Variants in NEGR1 observed in about 807,000 individuals in gnomAD.
The protein encoded by NEGR1 is IgLON family member 4.
Under a neutral mutation model 40.9 loss-of-function variants are expected in NEGR1, and 10 were observed. The observed-to-expected ratio is 0.24, with a 90% CI of 0.15 to 0.42. NEGR1 has a LOEUF of 0.42. Ranked by LOEUF, NEGR1 falls within the 10% of genes least tolerant of loss-of-function variation. NEGR1 has a pLI of 1.00. For synonymous variants in NEGR1, 185 were observed against 166.8 expected (o/e 1.11, Z -0.84); for missense variants, 352 against 438.9 (o/e 0.80, Z 1.77).
intron 2 of NEGR1, among the ~76,000 whole-genome samples, chr1:71,930,996 T>C (rs978325347): frequency 6.6e-6 from 1 of 152,150 alleles, no homozygotes; most frequent in Non-Finnish European, 1.5e-5. Flanking sequence ...GGAGGCTCTC[T>C]GCAGCTGAGG....
intron 6 of NEGR1, among the ~76,000 whole-genome samples, chr1:71,549,716 T>G (rs1648014376): frequency 6.6e-6 from 1 of 151,516 alleles, no homozygotes; most frequent in Non-Finnish European, 1.5e-5. Context: ...ATTCCAGCAG[T>G]GATTGAAGAG....
intron 1 of NEGR1, among the ~76,000 whole-genome samples, chr1:72,072,563 C>T (rs1475934763): frequency 6.6e-6 from 1 of 152,018 alleles, no homozygotes; most frequent in African/African-American, 2.4e-5. Flanking sequence ...CAAACAAAAT[C>T]CTAGAGAAAT....
chr1:72,008,651 A>G (rs1242089896), intron 1 of NEGR1, among the ~76,000 whole-genome samples: 1 of 152,102 alleles, frequency 6.6e-6, no homozygotes, highest in Non-Finnish European at 1.5e-5. Context: ...TTGTAAACTC[A>G]CTGAAAGTTT....
At chr1:71,706,528 C>T (rs1653904293) in intron 3 of NEGR1, among the ~76,000 whole-genome samples, 1 of 146,416 alleles carries the variant, frequency 6.8e-6, no homozygotes, top group Admixed American at 6.9e-5. Context: ...CTGGCATCCC[C>T]ATTCCCCTAA....
intron 6 of NEGR1, among the ~76,000 whole-genome samples, chr1:71,525,814 T>C (rs959915276): frequency 6.6e-6 from 1 of 151,656 alleles, no homozygotes; most frequent in Non-Finnish European, 1.5e-5. Flanking sequence ...AACAGAGTAA[T>C]AGTAATCATC....
At chr1:71,579,694 C>G (rs1649073171) in intron 6 of NEGR1, among the ~76,000 whole-genome samples, 2 of 150,718 alleles carry the variant, frequency 1.3e-5, no homozygotes, top group South Asian at 4.2e-4. Flanking sequence ...GATTCCTCCT[C>G]CCCTGATTCT....
intron 4 of NEGR1, among the ~76,000 whole-genome samples, chr1:71,625,739 A>C (rs900288671): frequency 2.6e-5 from 4 of 151,828 alleles, no homozygotes; most frequent in Non-Finnish European, 4.4e-5. Flanking sequence ...AGGCGTCCCC[A>C]AGCCCCAGGC....
chr1:72,152,403 T>C (rs1248049073), intron 1 of NEGR1, among the ~76,000 whole-genome samples: 2 of 151,872 alleles, frequency 1.3e-5, no homozygotes, highest in Non-Finnish European at 2.9e-5. Flanking sequence ...CTGGAAGAAA[T>C]ACAAATCAAA....
chr1:72,110,130 A>C (rs565430738), intron 1 of NEGR1, among the ~76,000 whole-genome samples: 5 of 151,280 alleles, frequency 3.3e-5, no homozygotes, highest in Admixed American at 1.3e-4. Context: ...GGAGACAAAA[A>C]GGAAGTATTA....
chr1:71,559,009 C>G lies in NEGR1; in HGVS notation c.940+33808G>C, dbSNP rs1037953764. ...ATTTATGTTTATTTATTTATCTTCT[C>G]TGTGTGTGTGTATATATATATATAT... On this transcript the variant is annotated intron_variant, in intron 6 of 6. Transcript: ENST00000357731. 1.1e-4 allele frequency among the ~76,000 whole-genome samples: 13 copies of G among 120,130 alleles called. No individual in the cohort carries two copies. In the South Asian group the frequency reaches 1.8e-3, roughly 16 times the overall value. 78.8% of individuals were successfully genotyped at this position (120,130 alleles called of 152,430 possible). A position where few individuals can be genotyped will look rare whatever the true frequency, so the allele number is the denominator to read the frequency against.
chr1:71,490,732 A>G (rs954118129), intron 6 of NEGR1, among the ~76,000 whole-genome samples: 2 of 152,002 alleles, frequency 1.3e-5, no homozygotes, highest in African/African-American at 4.8e-5. Context: ...AAAATTGCTT[A>G]TCTTCCTTTG....
At chr1:71,490,866 A>C (rs1238884289) in intron 6 of NEGR1, among the ~76,000 whole-genome samples, 1 of 151,800 alleles carries the variant, frequency 6.6e-6, no homozygotes, top group Non-Finnish European at 1.5e-5. Context: ...GAATTAACCC[A>C]CTCTGGAACT....
chr1:71,933,157 A>G (rs1645871208), intron 2 of NEGR1, among the ~76,000 whole-genome samples: 1 of 152,072 alleles, frequency 6.6e-6, no homozygotes. Flanking sequence ...TCAAAAGTTC[A>G]CCATCGTCTA....
At chr1:71,808,763 A>T (rs1657873617) in intron 2 of NEGR1, among the ~76,000 whole-genome samples, 1 of 152,134 alleles carries the variant, frequency 6.6e-6, no homozygotes, top group African/African-American at 2.4e-5. Flanking sequence ...AGAAAATGAG[A>T]CATTTTTTTT....
At chr1:71,556,371 A>G (rs1648252407) in intron 6 of NEGR1, among the ~76,000 whole-genome samples, 1 of 151,712 alleles carries the variant, frequency 6.6e-6, no homozygotes, top group African/African-American at 2.4e-5. Context: ...CTGAAGAGAG[A>G]GGTACACACA....
At chr1:71,877,335 A>C (rs1660460909) in intron 2 of NEGR1, among the ~76,000 whole-genome samples, 1 of 152,138 alleles carries the variant, frequency 6.6e-6, no homozygotes, top group African/African-American at 2.4e-5. Flanking sequence ...TGGGTGACTT[A>C]AACAACAGAA....
At chr1:71,900,605 T>G (rs1661117285) in intron 2 of NEGR1, among the ~76,000 whole-genome samples, 2 of 152,178 alleles carry the variant, frequency 1.3e-5, no homozygotes, top group African/African-American at 4.8e-5. Context: ...TAACCAACTA[T>G]GTACTGGAAA....
At chr1:71,873,775 C>A (rs1482933671) in intron 2 of NEGR1, among the ~76,000 whole-genome samples, 1 of 152,034 alleles carries the variant, frequency 6.6e-6, no homozygotes, top group East Asian at 1.9e-4. Flanking sequence ...TGTAATAGTT[C>A]ACATTCATCA....
intron 4 of NEGR1, among the ~76,000 whole-genome samples, chr1:71,675,821 A>C (rs1652612151): frequency 6.6e-6 from 1 of 151,446 alleles, no homozygotes. Flanking sequence ...TTTCCTTAAG[A>C]GACAGGGTCT....
Sources: allele counts gnomAD v4.1 joint callset (sites outside exome capture counted in the v4.1 genomes callset), GRCh38; gene constraint gnomAD v4.1.1; transcripts MANE v1.5; gene names NCBI Gene and HGNC (gene_info 2026-07-23, HGNC 2026-07-21).